CCDC148: variants seen among roughly 807,000 people sequenced by gnomAD.
The protein encoded by CCDC148 is coiled-coil domain containing 148.
CCDC148 carries 89 observed loss-of-function variants against 85.7 expected under a neutral mutation model. That is an observed-to-expected ratio of 1.04 (90% confidence interval 0.87 to 1.24). The LOEUF (loss-of-function observed/expected upper bound fraction) is 1.24, where lower values mean the gene tolerates loss of function less well. Ranked by LOEUF, CCDC148 falls within the 50% of genes most tolerant of loss-of-function variation. CCDC148 has a pLI of 0.00. For synonymous variants in CCDC148, 230 were observed against 213.9 expected (o/e 1.08, Z -0.66); for missense variants, 692 against 671.7 (o/e 1.03, Z -0.33).
At chr2:158,278,298 A>G (rs2602197) in intron 9 of CCDC148, among the ~76,000 whole-genome samples, 144,117 of 152,014 alleles carry the variant, frequency 0.95, 68,361 homozygotes, top group East Asian at 1. Flanking sequence ...GCAGCTCACC[A>G]TGCACGAGCC....
chr2:158,434,298 A>C (rs7589638), intron 1 of CCDC148, among the ~76,000 whole-genome samples: 25,233 of 151,982 alleles, frequency 0.17, 2,224 homozygotes, highest in Middle Eastern at 0.21. Flanking sequence ...AGGCAGCAAC[A>C]TTTGTCATTC....
intron 9 of CCDC148, among the ~76,000 whole-genome samples, chr2:158,289,767 T>C (rs1024568348): frequency 2.0e-5 from 3 of 152,194 alleles, no homozygotes; most frequent in African/African-American, 7.2e-5. Context: ...AAAACATTTA[T>C]TGCAACATTG....
chr2:158,174,981 GCTA>G (rs1159267971), intron 13 of CCDC148, among the ~76,000 whole-genome samples: 5 of 151,980 alleles, frequency 3.3e-5, no homozygotes, highest in Admixed American at 6.6e-5. Context: ...AGGCCTACTT[GCTA>G]CTACTGGTCA....
intron 1 of CCDC148, among the ~76,000 whole-genome samples, chr2:158,423,342 T>C (rs920254295): frequency 6.6e-6 from 1 of 152,182 alleles, no homozygotes; most frequent in Non-Finnish European, 1.5e-5. Context: ...ACTACAAGGC[T>C]ACAGTAACCA....
chr2:158,239,702 T>C (rs72995408), intron 10 of CCDC148, among the ~76,000 whole-genome samples: 9,505 of 152,168 alleles, frequency 0.062, 939 homozygotes, highest in African/African-American at 0.21. Context: ...TTATTTCTTC[T>C]GCATAATTAA....
intron 7 of CCDC148, among the ~76,000 whole-genome samples, chr2:158,334,565 T>C (rs1382867472): frequency 2.6e-5 from 2 of 76,608 alleles, no homozygotes; most frequent in Non-Finnish European, 5.6e-5. Context: ...ATTTTCTTTC[T>C]TCATATCTTA....
At chr2:158,443,515 A>AAAAAAAAAGAAAAAGAAAAG (rs1553524479) in intron 1 of CCDC148, among the ~76,000 whole-genome samples, 1 of 100,896 alleles carries the variant, frequency 9.9e-6, no homozygotes, top group Admixed American at 1.2e-4. Flanking sequence ...AAAAAAAAAA[A>AAAAAAAAAGAAAAAGAAAAG]AAAAAAAAGA....
At chr2:158,387,357 G>A (rs1685131750) in intron 1 of CCDC148, among the ~76,000 whole-genome samples, 1 of 151,692 alleles carries the variant, frequency 6.6e-6, no homozygotes, top group Admixed American at 6.6e-5. Context: ...ATACAACAGT[G>A]TAGGGTTCAT....
intron 7 of CCDC148, among the ~76,000 whole-genome samples, chr2:158,315,495 G>C (rs1692234441): frequency 6.6e-6 from 1 of 151,708 alleles, no homozygotes; most frequent in Non-Finnish European, 1.5e-5. Flanking sequence ...CTTGAAAAAA[G>C]TTTGAATTTC....
At chr2:158,336,980 G>C (rs1449807373) in intron 7 of CCDC148, among the ~76,000 whole-genome samples, 1 of 152,090 alleles carries the variant, frequency 6.6e-6, no homozygotes, top group Non-Finnish European at 1.5e-5. Flanking sequence ...TCCTTCTGCA[G>C]AATTGTTAGC....
At chr2:158,175,869 C>T (rs978108112) in intron 13 of CCDC148, among the ~76,000 whole-genome samples, 2 of 151,876 alleles carry the variant, frequency 1.3e-5, no homozygotes, top group East Asian at 1.9e-4. Flanking sequence ...CATCCATCCA[C>T]CCATCCATCC....
At chr2:158,399,996 T>C (rs867150621) in intron 1 of CCDC148, among the ~76,000 whole-genome samples, 10 of 152,034 alleles carry the variant, frequency 6.6e-5, no homozygotes, top group South Asian at 2.1e-4. Context: ...TTACAAGGGA[T>C]GTGAAGGACC....
chr2:158,297,742 A>G (rs759586486), intron 9 of CCDC148, among the ~76,000 whole-genome samples: 10 of 152,182 alleles, frequency 6.6e-5, no homozygotes, highest in Non-Finnish European at 1.3e-4. Flanking sequence ...ATCCAGAATC[A>G]TGTACCACAG....
At chr2:158,340,791 T>A in intron 3 of CCDC148, 111 bp from the exon 4 acceptor site, 1 of 659,720 alleles carries the variant, frequency 1.5e-6, no homozygotes, top group Non-Finnish European at 2.6e-6. Flanking sequence ...TCTGTTCATT[T>A]AAACCATGTA....
At chr2:158,344,586 T>C (rs1682900674) in intron 3 of CCDC148, among the ~76,000 whole-genome samples, 1 of 152,136 alleles carries the variant, frequency 6.6e-6, no homozygotes, top group African/African-American at 2.4e-5. Flanking sequence ...CTGCCTTCTC[T>C]TTTTGCCTTG....
At chr2:158,172,854 C>A (rs939656106) in intron 13 of CCDC148, among the ~76,000 whole-genome samples, 1 of 151,940 alleles carries the variant, frequency 6.6e-6, no homozygotes, top group East Asian at 1.9e-4. Flanking sequence ...GATCTTATTC[C>A]TCTTCCCCTC....
intron 1 of CCDC148, among the ~76,000 whole-genome samples, chr2:158,382,718 G>A: frequency 6.6e-6 from 1 of 151,514 alleles, no homozygotes; most frequent in Non-Finnish European, 1.5e-5. Context: ...AGACCAGCCT[G>A]GCCAACATGG....
chr2:158,422,583 T>C (rs1463485962), intron 1 of CCDC148, among the ~76,000 whole-genome samples: 2 of 152,084 alleles, frequency 1.3e-5, no homozygotes, highest in East Asian at 3.9e-4. Flanking sequence ...GGGACGTATC[T>C]CAAAATTACA....
intron 9 of CCDC148, among the ~76,000 whole-genome samples, chr2:158,270,301 C>G (rs1485396596): frequency 6.6e-6 from 1 of 152,112 alleles, no homozygotes; most frequent in Non-Finnish European, 1.5e-5. Context: ...AGTGAGGTGG[C>G]TTGTATAGGT....
Sources: gnomAD v4.1 joint callset for allele counts (sites outside exome capture counted in the v4.1 genomes callset) on GRCh38, gnomAD v4.1.1 for gene constraint, MANE v1.5 for transcripts, NCBI Gene and HGNC (gene_info 2026-07-23, HGNC 2026-07-21) for gene names.